The following RBFOX1 variants were observed in gnomAD, a reference collection of about 807,000 sequenced individuals.
The protein encoded by RBFOX1 is RNA binding fox-1 homolog 1.
A neutral mutation model predicts 57.7 loss-of-function variants in RBFOX1; 8 were observed. The observed-to-expected ratio is 0.14, with a 90% CI of 0.08 to 0.25. The LOEUF (loss-of-function observed/expected upper bound fraction) is 0.25, where lower values mean the gene tolerates loss of function less well. Ranked by LOEUF, RBFOX1 falls within the 10% of genes least tolerant of loss-of-function variation. The pLI is 1.00. For missense variants in RBFOX1, 611 were observed against 548.5 expected (o/e 1.11, Z -1.14); for synonymous variants, 326 against 222.4 (o/e 1.47, Z -4.15).
At chr16:5,748,811 T>C (rs2053082505) in intron 3 of RBFOX1, among the ~76,000 whole-genome samples, 1 of 152,206 alleles carries the variant, frequency 6.6e-6, no homozygotes, top group Non-Finnish European at 1.5e-5. Context: ...TGATGGGTCT[T>C]GACTCTTTAT....
intron 4 of RBFOX1, among the ~76,000 whole-genome samples, chr16:7,464,088 A>C (rs999349948): frequency 6.6e-6 from 1 of 152,118 alleles, no homozygotes; most frequent in African/African-American, 2.4e-5. Context: ...TGCCATCTTT[A>C]TGATCTGCTT....
intron 4 of RBFOX1, among the ~76,000 whole-genome samples, chr16:7,470,576 A>G (rs1001677572): frequency 4.0e-5 from 6 of 151,600 alleles, no homozygotes; most frequent in African/African-American, 9.7e-5. Flanking sequence ...GAGGTGATGG[A>G]TGGATGGATG....
At chr16:5,586,333 T>A (rs61451098) in intron 2 of RBFOX1, among the ~76,000 whole-genome samples, 7,339 of 152,260 alleles carry the variant, frequency 0.048, 596 homozygotes, top group African/African-American at 0.17. Context: ...CTAAAGTACA[T>A]GTTTTTAAAG....
At chr16:6,697,184 A>G (rs948253069) in intron 3 of RBFOX1, among the ~76,000 whole-genome samples, 5 of 152,222 alleles carry the variant, frequency 3.3e-5, no homozygotes, top group African/African-American at 1.2e-4. Context: ...TGATGATGTT[A>G]TATATTATAA....
intron 14 of RBFOX1, among the ~76,000 whole-genome samples, chr16:7,680,005 C>T (rs1353103791): frequency 6.6e-6 from 1 of 152,192 alleles, no homozygotes; most frequent in Non-Finnish European, 1.5e-5. Context: ...GCAAAGCCAA[C>T]TGTCTGAACT....
chr16:6,687,432 G>T (rs986773267), intron 3 of RBFOX1, among the ~76,000 whole-genome samples: 1 of 152,098 alleles, frequency 6.6e-6, no homozygotes, highest in Non-Finnish European at 1.5e-5. Context: ...TTACCCAAAG[G>T]CTACTGAAAT....
chr16:7,057,823 C>T (rs1451389383), intron 4 of RBFOX1, among the ~76,000 whole-genome samples: 2 of 152,180 alleles, frequency 1.3e-5, no homozygotes, highest in African/African-American at 2.4e-5. Flanking sequence ...GCCTAGCCAA[C>T]ATGGTGAAAC....
At chr16:6,177,649 A>C (rs1249806322) in intron 1 of RBFOX1, among the ~76,000 whole-genome samples, 1 of 152,174 alleles carries the variant, frequency 6.6e-6, no homozygotes, top group East Asian at 1.9e-4. Flanking sequence ...AAGATGCTCA[A>C]ATGAACATTT....
At chr16:5,961,934 T>C (rs1596306592) in intron 4 of RBFOX1, among the ~76,000 whole-genome samples, 1 of 152,168 alleles carries the variant, frequency 6.6e-6, no homozygotes, top group African/African-American at 2.4e-5. Context: ...TTCTCTAATG[T>C]AAAAAAGATC....
At chr16:7,357,732 T>C (rs896334441) in intron 4 of RBFOX1, among the ~76,000 whole-genome samples, 6 of 152,330 alleles carry the variant, frequency 3.9e-5, no homozygotes, top group Middle Eastern at 3.4e-3. Flanking sequence ...ACCAGGCTAG[T>C]GGAGGTGCTT....
intron 2 of RBFOX1, among the ~76,000 whole-genome samples, chr16:6,520,660 C>G (rs181630097): frequency 7.9e-4 from 120 of 152,226 alleles, no homozygotes; most frequent in African/African-American, 2.6e-3. Flanking sequence ...AGGGCAGGAC[C>G]CAGGACAGTT....
chr16:6,857,473 C>T (rs11649022), intron 3 of RBFOX1, among the ~76,000 whole-genome samples: 32,619 of 152,118 alleles, frequency 0.21, 4,366 homozygotes, highest in Admixed American at 0.36. Flanking sequence ...GTTTATTTCA[C>T]AAGGGTCTGA....
At chr16:6,770,725 A>C (rs1181090049) in intron 3 of RBFOX1, among the ~76,000 whole-genome samples, 1 of 152,164 alleles carries the variant, frequency 6.6e-6, no homozygotes, top group Non-Finnish European at 1.5e-5. Flanking sequence ...AGGAAGTGGC[A>C]TAGGCTGAGC....
chr16:7,542,655 G>A (rs999702142), intron 5 of RBFOX1, among the ~76,000 whole-genome samples: 1 of 141,368 alleles, frequency 7.1e-6, no homozygotes. Flanking sequence ...AGGAGTTTGA[G>A]ACTAGCCTGG....
At chr16:5,900,401 GA>G (rs1015608957) in intron 4 of RBFOX1, among the ~76,000 whole-genome samples, 5 of 152,034 alleles carry the variant, frequency 3.3e-5, no homozygotes, top group Non-Finnish European at 7.4e-5. Flanking sequence ...AAGGAAGGGG[GA>G]AAAAAAGAAA....
chr16:6,804,767 G>C (rs1176324354), intron 3 of RBFOX1, among the ~76,000 whole-genome samples: 1 of 152,136 alleles, frequency 6.6e-6, no homozygotes, highest in Admixed American at 6.5e-5. Flanking sequence ...CAGTGGATTG[G>C]GGGCCGTTCC....
intron 3 of RBFOX1, among the ~76,000 whole-genome samples, chr16:5,674,082 G>A (rs769985732): frequency 6.6e-6 from 1 of 152,140 alleles, no homozygotes; most frequent in East Asian, 1.9e-4. Flanking sequence ...CCTCTATGTA[G>A]TATTGTTCTA....
At chr16:6,546,334 T>C (rs931900500) in intron 2 of RBFOX1, among the ~76,000 whole-genome samples, 5 of 152,204 alleles carry the variant, frequency 3.3e-5, no homozygotes, top group Admixed American at 2.0e-4. Flanking sequence ...AGATAGGGTA[T>C]TAGTTAGTAT....
intron 5 of RBFOX1, among the ~76,000 whole-genome samples, chr16:7,542,202 G>A (rs1203654334): frequency 6.6e-6 from 1 of 152,190 alleles, no homozygotes; most frequent in Non-Finnish European, 1.5e-5. Context: ...GGGCCAGAGA[G>A]ATATACACAG....
Sources: allele counts gnomAD v4.1 joint callset (sites outside exome capture counted in the v4.1 genomes callset), GRCh38; gene constraint gnomAD v4.1.1; transcripts MANE v1.5; gene names NCBI Gene and HGNC (gene_info 2026-07-23, HGNC 2026-07-21).